NDUFA8: variants seen among roughly 807,000 people sequenced by gnomAD.
NDUFA8 encodes the protein NADH:ubiquinone oxidoreductase subunit A8.
In NDUFA8, 16 loss-of-function variants were observed where a neutral mutation model predicts 20.9. The observed-to-expected ratio is 0.77, with a 90% CI of 0.52 to 1.16. The LOEUF (loss-of-function observed/expected upper bound fraction) is 1.16. NDUFA8 is among the 50% of genes most tolerant of loss of function. NDUFA8 has a pLI of 0.00. For missense variants in NDUFA8, 202 were observed against 216.4 expected, an observed-to-expected ratio of 0.93 and a Z score of 0.42; for synonymous variants, 70 against 76.1, an observed-to-expected ratio of 0.92 and a Z score of 0.41.
At chr9:122,141,167 TAAG>T (rs1426375276), downstream of NDUFA8, among the ~76,000 whole-genome samples, 9 of 152,276 alleles carry the variant, frequency 5.9e-5, no homozygotes, top group South Asian at 2.1e-4. Flanking sequence ...ATAGGCTACA[TAAG>T]AAGAAGTAAG....
chr9:122,149,546 G>A (rs1272752334), intron 2 of NDUFA8, among the ~76,000 whole-genome samples: 3 of 152,226 alleles, frequency 2.0e-5, no homozygotes, highest in Non-Finnish European at 2.9e-5. Flanking sequence ...AACTTCAGCA[G>A]TGAGAAATTC....
chr9:122,137,880 A>C, the NDUFA8 span, among the ~76,000 whole-genome samples: 1 of 152,204 alleles, frequency 6.6e-6, no homozygotes, highest in South Asian at 2.1e-4. Context: ...GCCACATAAC[A>C]AGGTCACAGA....
chr9:122,159,457 G>A (rs560163819), intron 1 of NDUFA8, among the ~76,000 whole-genome samples, 170 bp downstream of exon 1: 96 of 152,200 alleles, frequency 6.3e-4, no homozygotes, highest in Non-Finnish European at 1.1e-3. Flanking sequence ...GAGAGGGGAG[G>A]CGACTCCCAA....
rs185535946 is a variant in NDUFA8 at position 122,152,712 on chromosome 9, C to T, written c.52-304G>A. Among the ~76,000 whole-genome samples the T allele has an allele frequency of 2.6e-5, 4 of 152,200 alleles. No individual in the cohort carries two copies. The East Asian group carries it at 7.7e-4, about 29-fold the overall frequency. On this transcript the variant is annotated intron_variant, in intron 1 of 3. Coordinates refer to ENST00000373768, the MANE Select transcript of NDUFA8 (RefSeq NM_014222.3). Reference sequence around the variant, plus strand: ...CTGGGATTACAGGCATAAGCCACCTCGCCCAGCGATTCTTTAAAATCTATG... The same window carrying T: ...CTGGGATTACAGGCATAAGCCACCTTGCCCAGCGATTCTTTAAAATCTATG...
chr9:122,157,125 T>C (rs959729634), intron 1 of NDUFA8, among the ~76,000 whole-genome samples: 1 of 152,218 alleles, frequency 6.6e-6, no homozygotes, highest in Admixed American at 6.5e-5. Flanking sequence ...GGACTGACTA[T>C]TTACTGTTCT....
the NDUFA8 span, among the ~76,000 whole-genome samples, chr9:122,138,867 G>GGGGA: frequency 7.1e-6 from 1 of 140,678 alleles, no homozygotes; most frequent in Non-Finnish European, 1.6e-5. Context: ...AGAAGAGGTG[G>GGGGA]GGGGGGGGCC....
At chr9:122,149,794 C>T (rs1828963730) in intron 2 of NDUFA8, among the ~76,000 whole-genome samples, 1 of 151,924 alleles carries the variant, frequency 6.6e-6, no homozygotes, top group Admixed American at 6.6e-5. Flanking sequence ...CCCATCTCTA[C>T]TAAACATACA....
downstream of NDUFA8, among the ~76,000 whole-genome samples, chr9:122,139,312 G>GA (rs1183360184): frequency 6.6e-6 from 1 of 151,836 alleles, no homozygotes. Context: ...CGCTTGCTCT[G>GA]AGAGTCCTTC....
In NDUFA8 at chr9:122,144,230, C is replaced by T. The variant is rs184352572; in HGVS notation, c.*11G>A. ...TGAGCACATGACCGAGTGTGGGCCA[C>T]GGACCCATCTTTACTTGGTCCAGAA... On this transcript the variant is annotated 3_prime_UTR_variant, in exon 4 of 4. Coordinates refer to ENST00000373768, the MANE Select transcript of NDUFA8 (RefSeq NM_014222.3). The T allele has an allele frequency of 1.7e-4, 270 of 1,613,434 alleles. No homozygotes were observed. The African/African-American group carries it at 3.2e-3, about 19-fold the overall frequency.
In NDUFA8 at chr9:122,144,390, G is replaced by A. The variant is rs765346347; in HGVS notation, c.382-12C>T. On this transcript the variant is annotated splice_polypyrimidine_tract_variant and intron_variant, in intron 3 of 3. Coordinates refer to ENST00000373768, the MANE Select transcript of NDUFA8 (RefSeq NM_014222.3). ...TTCACTTTGGTGACCTGGGAAGGGT[G>A]AAGAGGGCAAAAGCAAAGTTGAAAG... 2 of 1,613,892 alleles carry A rather than the reference G, an allele frequency of 1.2e-6. No homozygotes were observed. The highest frequency in any genetic ancestry group is 1.7e-5 in the Admixed American group (1 of 60,026).
intron 3 of NDUFA8, 133 bp from the exon 4 acceptor site, chr9:122,144,511 A>T: frequency 1.2e-6 from 1 of 856,952 alleles, no homozygotes; most frequent in Non-Finnish European, 2.0e-6. Context: ...TTCCCAGCAA[A>T]TCACATTCAG....
the NDUFA8 span, among the ~76,000 whole-genome samples, chr9:122,134,148 G>A: frequency 3.3e-5 from 5 of 152,206 alleles, no homozygotes; most frequent in East Asian, 1.9e-4. Context: ...GATAACTCAC[G>A]TGGAAACGCT....
chr9:122,144,358 A>G lies in NDUFA8; in HGVS notation c.402T>C (p.Asp134=). The G allele has an allele frequency of 6.2e-7, 1 of 1,614,168 alleles. No homozygotes were observed. Among genetic ancestry groups the G allele is most frequent in the South Asian group, 1.1e-5 (1 of 91,078 alleles). The change falls in exon 4 of 4, where the codon GAT becomes GAC. Residue 134 remains aspartate (D), a synonymous_variant. Transcript: ENST00000373768. ...GATAGGGATTCTCCGGTAAAGGTCG[A>G]TCTGTTTTCACTTTGGTGACCTGGG... is the stretch of plus-strand genomic sequence containing the variant. The part of the protein sequence containing the change: ...ELSKVTKVKT[D]RPLPENPYHS...
At chr9:122,156,942 T>A (rs1244477375) in intron 1 of NDUFA8, among the ~76,000 whole-genome samples, 1 of 152,224 alleles carries the variant, frequency 6.6e-6, no homozygotes, top group Non-Finnish European at 1.5e-5. Context: ...TTCACACAGC[T>A]GCTACCGTGA....
downstream of NDUFA8, among the ~76,000 whole-genome samples, chr9:122,143,859 C>T (rs1280182085): frequency 1.3e-5 from 2 of 152,208 alleles, no homozygotes; most frequent in African/African-American, 4.8e-5. Context: ...AACACAGACA[C>T]ACCCCAAGGA....
At chr9:122,136,012 C>G in the NDUFA8 span, among the ~76,000 whole-genome samples, 4 of 152,232 alleles carry the variant, frequency 2.6e-5, no homozygotes, top group African/African-American at 9.6e-5. Flanking sequence ...TGTAATTTGA[C>G]ATACAAGACA....
At chr9:122,142,613 G>A (rs1269197186), downstream of NDUFA8, among the ~76,000 whole-genome samples, 1 of 152,076 alleles carries the variant, frequency 6.6e-6, no homozygotes, top group Non-Finnish European at 1.5e-5. Context: ...TATGAGACTG[G>A]GGCTTCTTAA....
intron 1 of NDUFA8, among the ~76,000 whole-genome samples, chr9:122,153,077 C>T (rs1047421874): frequency 1.3e-5 from 2 of 151,958 alleles, no homozygotes; most frequent in African/African-American, 2.4e-5. Flanking sequence ...ACAGCCTGGC[C>T]AACATGGTGA....
At chr9:122,137,369 G>A in the NDUFA8 span, among the ~76,000 whole-genome samples, 2 of 149,850 alleles carry the variant, frequency 1.3e-5, no homozygotes, top group Non-Finnish European at 3.0e-5. Context: ...AGCCTCTGGG[G>A]TAGCTGGGAT....
Sources: allele counts gnomAD v4.1 joint callset (sites outside exome capture counted in the v4.1 genomes callset), GRCh38; gene constraint gnomAD v4.1.1; transcripts MANE v1.5; gene names NCBI Gene and HGNC (gene_info 2026-07-23, HGNC 2026-07-21).